Variants in ANGPT1 observed in about 807,000 individuals in gnomAD.
The protein encoded by ANGPT1 is angiopoietin-1.
In ANGPT1, 17 loss-of-function variants were observed where a neutral mutation model predicts 62.2. The ratio of observed to expected loss-of-function variants is 0.27; its 90% CI spans 0.19 to 0.41. The LOEUF is 0.41. Among genes scored for constraint, ANGPT1 ranks in the 10% least tolerant of loss-of-function variants. The pLI is 1.00. For missense variants in ANGPT1, 478 were observed against 594.9 expected (o/e 0.80, Z 2.04); for synonymous variants, 199 against 198.9 (o/e 1.00, Z 0.00).
chr8:107,398,171 A>G (rs772183863), intron 1 of ANGPT1, among the ~76,000 whole-genome samples: 1 of 152,218 alleles, frequency 6.6e-6, no homozygotes, highest in Non-Finnish European at 1.5e-5. Context: ...CAATATGCCC[A>G]AAAGAGTAGA....
chr8:107,439,966 C>G (rs563430628), intron 1 of ANGPT1, among the ~76,000 whole-genome samples: 2 of 152,124 alleles, frequency 1.3e-5, no homozygotes, highest in South Asian at 4.2e-4. Flanking sequence ...GGAGGGGATG[C>G]CAGGGGTATC....
intron 7 of ANGPT1, among the ~76,000 whole-genome samples, chr8:107,272,741 ATATATAT>A (rs1227441417): frequency 7.2e-6 from 1 of 139,210 alleles, no homozygotes; most frequent in Non-Finnish European, 1.5e-5. Flanking sequence ...TACATATATA[ATATATAT>A]TATATATGTA....
intron 1 of ANGPT1, among the ~76,000 whole-genome samples, chr8:107,395,203 G>A (rs1231118659): frequency 6.6e-6 from 1 of 152,112 alleles, no homozygotes; most frequent in African/African-American, 2.4e-5. Context: ...CGAGAATGTA[G>A]TTAAGATATT....
intron 7 of ANGPT1, among the ~76,000 whole-genome samples, chr8:107,282,553 CATATATATATATATAT>C (rs753412026): frequency 0.026 from 1,311 of 51,070 alleles, 65 homozygotes; most frequent in African/African-American, 0.082. Flanking sequence ...ATATATGAAC[CATATATATATATATAT>C]ATATATATAT....
At chr8:107,418,780 A>G (rs1392651922) in intron 1 of ANGPT1, among the ~76,000 whole-genome samples, 1 of 152,166 alleles carries the variant, frequency 6.6e-6, no homozygotes, top group Non-Finnish European at 1.5e-5. Context: ...ATATAATGGA[A>G]TCCCAGTTGG....
At chr8:107,389,692 C>T (rs902806475) in intron 1 of ANGPT1, among the ~76,000 whole-genome samples, 1 of 152,086 alleles carries the variant, frequency 6.6e-6, no homozygotes, top group African/African-American at 2.4e-5. Flanking sequence ...AAGTAAACCT[C>T]TGTGCAAAAG....
chr8:107,374,567 G>A (rs1285903659), intron 1 of ANGPT1, among the ~76,000 whole-genome samples: 2 of 152,246 alleles, frequency 1.3e-5, no homozygotes, highest in Admixed American at 6.5e-5. Context: ...AGGACTGGGC[G>A]GTTTTCTAAT....
At chr8:107,451,312 A>AACACAC (rs1554595612) in intron 1 of ANGPT1, among the ~76,000 whole-genome samples, 1 of 54,924 alleles carries the variant, frequency 1.8e-5, no homozygotes, top group Non-Finnish European at 4.0e-5. Context: ...ATACATACAT[A>AACACAC]ACAGACACAC....
intron 1 of ANGPT1, among the ~76,000 whole-genome samples, chr8:107,392,293 A>C (rs1816851423): frequency 6.6e-6 from 1 of 152,194 alleles, no homozygotes; most frequent in Admixed American, 6.5e-5. Flanking sequence ...CAATAATGAA[A>C]TAAATTTGCA....
chr8:107,489,530 T>C (rs1812902022), intron 1 of ANGPT1, among the ~76,000 whole-genome samples: 1 of 152,192 alleles, frequency 6.6e-6, no homozygotes, highest in Non-Finnish European at 1.5e-5. Flanking sequence ...AATCACCTTT[T>C]CATTTGCTTG....
At chr8:107,417,129 A>G (rs1158536645) in intron 1 of ANGPT1, among the ~76,000 whole-genome samples, 2 of 152,106 alleles carry the variant, frequency 1.3e-5, no homozygotes, top group East Asian at 3.9e-4. Context: ...AGAAGATTAG[A>G]GTATATTTTT....
At chr8:107,315,793 G>T (rs1680883989) in intron 4 of ANGPT1, among the ~76,000 whole-genome samples, 1 of 152,012 alleles carries the variant, frequency 6.6e-6, no homozygotes, top group South Asian at 2.1e-4. Flanking sequence ...TTTTGGGGTT[G>T]GGGTAAGTGG....
At chr8:107,460,406 A>G (rs1455252004) in intron 1 of ANGPT1, among the ~76,000 whole-genome samples, 2 of 152,150 alleles carry the variant, frequency 1.3e-5, no homozygotes, top group African/African-American at 4.8e-5. Flanking sequence ...TTGATGTAGT[A>G]AATAAAACTA....
chr8:107,471,019 T>G (rs2130497337), intron 1 of ANGPT1, among the ~76,000 whole-genome samples: 1 of 152,176 alleles, frequency 6.6e-6, no homozygotes, highest in South Asian at 2.1e-4. Context: ...TCAGAAATAC[T>G]ATTTGACCCA....
intron 4 of ANGPT1, among the ~76,000 whole-genome samples, chr8:107,318,754 G>C (rs1815080660): frequency 1.3e-5 from 2 of 151,312 alleles, no homozygotes; most frequent in Admixed American, 1.3e-4. Context: ...GTGATGTTTT[G>C]GTACATGTAT....
chr8:107,479,281 T>C (rs1812615309), intron 1 of ANGPT1, among the ~76,000 whole-genome samples: 1 of 152,154 alleles, frequency 6.6e-6, no homozygotes, highest in East Asian at 1.9e-4. Context: ...TTTCCTTCTG[T>C]TAAATTATTT....
chr8:107,272,767 T>C (rs780741025), intron 7 of ANGPT1, among the ~76,000 whole-genome samples: 3 of 150,636 alleles, frequency 2.0e-5, no homozygotes, highest in Non-Finnish European at 4.4e-5. Flanking sequence ...TATGTATATA[T>C]ATGAGATCTG....
At chr8:107,427,059 A>G (rs191545831) in intron 1 of ANGPT1, among the ~76,000 whole-genome samples, 249 of 152,322 alleles carry the variant, frequency 1.6e-3, no homozygotes, top group African/African-American at 5.7e-3. Flanking sequence ...TAACATAGAA[A>G]AAGAATATGG....
chr8:107,321,810 A>G (rs1815155584), intron 4 of ANGPT1, 86 bp downstream of exon 4: 1 of 1,121,646 alleles, frequency 8.9e-7, no homozygotes, highest in Non-Finnish European at 1.3e-6. Context: ...ACAGCAATCA[A>G]TGCACTGTAG....
Sources: allele counts gnomAD v4.1 joint callset (sites outside exome capture counted in the v4.1 genomes callset), GRCh38; gene constraint gnomAD v4.1.1; transcripts MANE v1.5; gene names NCBI Gene and HGNC (gene_info 2026-07-23, HGNC 2026-07-21).